UGGT2: variants seen among roughly 807,000 people sequenced by gnomAD.
The protein encoded by UGGT2 is UDP-glucose:glycoprotein glucosyltransferase 2.
Under a neutral mutation model 192.1 loss-of-function variants are expected in UGGT2, and 180 were observed. The ratio of observed to expected loss-of-function variants is 0.94; its 90% CI spans 0.83 to 1.06. The LOEUF (loss-of-function observed/expected upper bound fraction) is 1.06. Ranked by LOEUF, UGGT2 falls within the 50% of genes least tolerant of loss-of-function variation. UGGT2 has a pLI of 0.00. For missense variants in UGGT2, 1,849 were observed against 1,795.7 expected (o/e 1.03, Z -0.54); for synonymous variants, 580 against 591.0 (o/e 0.98, Z 0.27).
chr13:95,891,573 C>T (rs902916351), intron 24 of UGGT2, among the ~76,000 whole-genome samples: 2 of 152,008 alleles, frequency 1.3e-5, no homozygotes, highest in African/African-American at 4.8e-5. Context: ...AAGTACAGAA[C>T]AGGCCAGAGG....
intron 2 of UGGT2, among the ~76,000 whole-genome samples, chr13:96,029,423 T>C (rs973939096): frequency 2.0e-5 from 3 of 151,878 alleles, no homozygotes; most frequent in African/African-American, 7.3e-5. Context: ...AGTAGCTGGA[T>C]TACAGGCCCG....
rs9525076 is a variant in UGGT2 at position 95,887,889 on chromosome 13, T to C, written c.3038+3A>G. Reference sequence around the variant, plus strand: ...AAATGAAATTTTGTTCACTCAGATTTACCTTTCTAAAGGGGCTTCTGAAAG... The same window carrying C: ...AAATGAAATTTTGTTCACTCAGATTCACCTTTCTAAAGGGGCTTCTGAAAG... On this transcript the variant is annotated splice_donor_region_variant and intron_variant, in intron 26 of 38. Transcript: ENST00000376747. 0.99 allele frequency: 1,568,241 copies of C among 1,576,542 alleles called. 780,351 individuals are homozygous for C. The highest frequency in any genetic ancestry group is 1 in the East Asian group (44,334 of 44,334).
intron 4 of UGGT2, among the ~76,000 whole-genome samples, chr13:96,018,706 A>G (rs1348963769): frequency 6.6e-6 from 1 of 151,488 alleles, no homozygotes; most frequent in African/African-American, 2.4e-5. Flanking sequence ...TAGTAAAGAA[A>G]GGCAACATTG....
rs1427001760 is a variant in UGGT2, at chr13:95,877,457, T to C, written c.3388-93A>G. 4.5e-6 allele frequency: 5 copies of C among 1,108,114 alleles called. No homozygotes were observed. The African/African-American group carries it at 4.8e-5, about 11-fold the overall frequency. The allele number at this position is 1,108,114 out of a possible 1,614,324, so 68.6% of individuals were successfully genotyped here. A position where few individuals can be genotyped will look rare whatever the true frequency, so the allele number is the denominator to read the frequency against. ...CACGAATGATCTAAGAAAGTATTTA[T>C]TAACTGTAGAATGAATAAATTCTAT... On this transcript the variant is annotated intron_variant, in intron 28 of 38. Transcript: ENST00000376747.
chr13:95,898,540 G>GAC (rs1306095410), intron 22 of UGGT2, among the ~76,000 whole-genome samples: 1 of 152,062 alleles, frequency 6.6e-6, no homozygotes, highest in African/African-American at 2.4e-5. Context: ...TTGCCCATAT[G>GAC]ACACTGCTAT....
chr13:95,860,975 G>T lies in UGGT2; in HGVS notation c.3645-92C>A, dbSNP rs1399152480. On this transcript the variant is annotated intron_variant, in intron 31 of 38. Coordinates refer to ENST00000376747, the MANE Select transcript of UGGT2 (RefSeq NM_020121.4). Reference sequence around the variant, plus strand: ...AAATATAAGCAATCAATATAGAAATGTATTTCAAAATAGTTAAGCTATAAA... The same window carrying T: ...AAATATAAGCAATCAATATAGAAATTTATTTCAAAATAGTTAAGCTATAAA... 7 of 606,360 alleles carry T rather than the reference G, an allele frequency of 1.2e-5. No individual in the cohort carries two copies. In the Middle Eastern group the frequency reaches 1.1e-3, roughly 98 times the overall value. The allele number at this position is 606,360 out of a possible 1,614,324, so 37.6% of individuals were successfully genotyped here.
rs1432051339 is a variant in UGGT2, at chr13:95,947,123, T to C, written c.1591A>G (p.Asn531Asp). The change falls in exon 15 of 39, where the codon AAT becomes GAT. Residue 531 changes from asparagine (N) to aspartate (D), a missense_variant. Transcript: ENST00000376747. ...CGCCAGAGAGCAACTCCAGCATCAT[T>C]TGCTCCATCAACTTCATCATCTGTA... ...LNTDDEVDGA[N>D]DAGVALWRAF... The C allele has an allele frequency of 6.2e-7, 1 of 1,611,146 alleles. No individual in the cohort carries two copies. The highest frequency in any genetic ancestry group is 8.5e-7 in the Non-Finnish European group (1 of 1,179,218).
chr13:96,006,866 G>A (rs917744639), intron 5 of UGGT2, among the ~76,000 whole-genome samples: 10 of 152,052 alleles, frequency 6.6e-5, no homozygotes, highest in African/African-American at 2.4e-4. Context: ...GGAAAGGCAG[G>A]ACTGCCATCC....
chr13:95,942,948 C>A (rs1445923530), intron 15 of UGGT2, among the ~76,000 whole-genome samples: 1 of 152,126 alleles, frequency 6.6e-6, no homozygotes, highest in Non-Finnish European at 1.5e-5. Context: ...GATTTTTACA[C>A]AAGGTGTAAA....
At chr13:96,002,460 G>C (rs148328117) in intron 5 of UGGT2, among the ~76,000 whole-genome samples, 1 of 152,270 alleles carries the variant, frequency 6.6e-6, no homozygotes, top group Non-Finnish European at 1.5e-5. Context: ...CTGAGAATAA[G>C]GAATGTTTCT....
intron 38 of UGGT2, among the ~76,000 whole-genome samples, chr13:95,807,466 G>T (rs2139732428): frequency 6.6e-6 from 1 of 152,174 alleles, no homozygotes; most frequent in South Asian, 2.1e-4. Flanking sequence ...TTTAGTTTCA[G>T]TCTCCATATC....
At chr13:95,862,897 C>CT (rs1265220797) in intron 31 of UGGT2, among the ~76,000 whole-genome samples, 1 of 152,134 alleles carries the variant, frequency 6.6e-6, no homozygotes, top group Non-Finnish European at 1.5e-5. Context: ...GGGTCTCACT[C>CT]TGTCACCCAG....
chr13:95,914,579 AC>A (rs2048617729), intron 20 of UGGT2, among the ~76,000 whole-genome samples: 1 of 138,994 alleles, frequency 7.2e-6, no homozygotes, highest in Admixed American at 7.8e-5. Flanking sequence ...GTTCGAGACC[AC>A]TCTGGCCATT....
At chr13:95,857,385 G>T (rs1889718552) in intron 33 of UGGT2, among the ~76,000 whole-genome samples, 1 of 152,072 alleles carries the variant, frequency 6.6e-6, no homozygotes, top group South Asian at 2.1e-4. Context: ...CATGAGGCTT[G>T]TATTTTAGAG....
chr13:95,972,739 T>C, intron 10 of UGGT2, 68 bp from the exon 11 acceptor site: 1 of 1,158,382 alleles, frequency 8.6e-7, no homozygotes, highest in Non-Finnish European at 1.3e-6. Flanking sequence ...GGGGTCACCA[T>C]ATTATTTCTA....
chr13:95,946,544 T>A (rs2049877039), intron 15 of UGGT2, among the ~76,000 whole-genome samples: 1 of 152,130 alleles, frequency 6.6e-6, no homozygotes, highest in Non-Finnish European at 1.5e-5. Context: ...TTTTTTATTT[T>A]TTTTTTGGTA....
At chr13:95,877,599 T>C in intron 28 of UGGT2, 99 bp downstream of exon 28, 1 of 1,376,550 alleles carries the variant, frequency 7.3e-7, no homozygotes. Flanking sequence ...TGCAAACTGT[T>C]CAGCAACAGC....
intron 38 of UGGT2, among the ~76,000 whole-genome samples, chr13:95,822,458 T>C (rs917100261): frequency 4.6e-5 from 7 of 152,250 alleles, no homozygotes; most frequent in Admixed American, 4.6e-4. Flanking sequence ...CTTTAGGGTT[T>C]TCTAGGTAGA....
intron 16 of UGGT2, among the ~76,000 whole-genome samples, chr13:95,939,652 C>T (rs1431418808): frequency 6.6e-6 from 1 of 152,024 alleles, no homozygotes; most frequent in Non-Finnish European, 1.5e-5. Context: ...ACCTCATATA[C>T]TTCTCATATT....
Sources: gnomAD v4.1 joint callset for allele counts (sites outside exome capture counted in the v4.1 genomes callset) on GRCh38, gnomAD v4.1.1 for gene constraint, MANE v1.5 for transcripts, NCBI Gene and HGNC (gene_info 2026-07-23, HGNC 2026-07-21) for gene names.